Variants in RFX7 observed in about 807,000 individuals in gnomAD.
RFX7 encodes regulatory factor X7, also known as DNA-binding protein RFX7.
A neutral mutation model predicts 111.8 loss-of-function variants in RFX7; 26 were observed. That is an observed-to-expected ratio of 0.23 (90% CI 0.17 to 0.32). The LOEUF (loss-of-function observed/expected upper bound fraction) is 0.32, where lower values mean the gene tolerates loss of function less well. Among genes scored for constraint, RFX7 ranks in the 10% least tolerant of loss-of-function variants. The pLI is 1.00. For synonymous variants in RFX7, 624 were observed against 624.4 expected (o/e 1.00, Z 0.01); for missense variants, 1,573 against 1,772.9 (o/e 0.89, Z 2.02).
rs1224282586 is a variant in RFX7, at chr15:56,206,645, C to T, written c.162-27342G>A. ...GAATGGATAATGTGGTACATATACA[C>T]AATGGAGTATTATTCAGCCATAAAA... is the stretch of plus-strand genomic sequence containing the variant. On this transcript the variant is annotated intron_variant, in intron 2 of 9. Transcript: ENST00000559447. 3.3e-5 allele frequency among the ~76,000 whole-genome samples: 5 copies of T among 151,748 alleles called. No homozygotes were observed. The East Asian group carries it at 9.6e-4, about 29-fold the overall frequency.
At chr15:56,227,083 T>C (rs1456670870) in intron 2 of RFX7, among the ~76,000 whole-genome samples, 2 of 152,248 alleles carry the variant, frequency 1.3e-5, no homozygotes, top group Non-Finnish European at 2.9e-5. Context: ...AAAAATTAAG[T>C]GGTTTATACA....
rs948861834 is a variant in RFX7, at chr15:56,088,858, T to C, written c.*4487A>G. The C allele has an allele frequency of 6.6e-6, 1 of 152,164 alleles. No individual in the cohort carries two copies. The highest frequency in any genetic ancestry group is 6.6e-5 in the Admixed American group (1 of 15,266). The allele number at this position is 152,164 out of a possible 1,614,324, so 9.4% of individuals were successfully genotyped here. On this transcript the variant is annotated 3_prime_UTR_variant, in exon 10 of 10. Coordinates refer to ENST00000559447, the MANE Select transcript of RFX7 (RefSeq NM_022841.7). ...AAACTTAGTTCGGCAGATTTCAAAT[T>C]CTTATTTTTTCTTCTACATAGTGTA...
intron 2 of RFX7, among the ~76,000 whole-genome samples, chr15:56,209,945 A>G (rs1275208447): frequency 6.6e-6 from 1 of 152,080 alleles, no homozygotes; most frequent in Non-Finnish European, 1.5e-5. Flanking sequence ...CGATAAATAG[A>G]AAATAACAAA....
At chr15:56,106,291 A>G (rs2140536169) in intron 5 of RFX7, among the ~76,000 whole-genome samples, 1 of 152,344 alleles carries the variant, frequency 6.6e-6, no homozygotes, top group Non-Finnish European at 1.5e-5. Context: ...GAAGGATATA[A>G]CAACCTCATT....
intron 5 of RFX7, among the ~76,000 whole-genome samples, chr15:56,125,004 T>G (rs1399721777): frequency 6.6e-6 from 1 of 152,230 alleles, no homozygotes; most frequent in Non-Finnish European, 1.5e-5. Flanking sequence ...ATTTATGTCT[T>G]TGATCCATTT....
At chr15:56,100,346 A>C (rs1338830557) in intron 8 of RFX7, among the ~76,000 whole-genome samples, 6 of 152,360 alleles carry the variant, frequency 3.9e-5, no homozygotes, top group South Asian at 4.1e-4. Context: ...TACAGTTTAC[A>C]TGCAGACAGG....
chr15:56,227,003 C>A (rs1307202614), intron 2 of RFX7, among the ~76,000 whole-genome samples: 1 of 152,070 alleles, frequency 6.6e-6, no homozygotes, highest in Non-Finnish European at 1.5e-5. Flanking sequence ...TCTCAATCAA[C>A]CTGTTTTAAA....
At chr15:56,137,484 C>T (rs1449006116) in intron 5 of RFX7, among the ~76,000 whole-genome samples, 1 of 152,138 alleles carries the variant, frequency 6.6e-6, no homozygotes, top group African/African-American at 2.4e-5. Context: ...TTTTTTATTG[C>T]ATCTATTCGA....
chr15:56,153,018 C>T (rs1193093982), intron 3 of RFX7, among the ~76,000 whole-genome samples: 1 of 152,166 alleles, frequency 6.6e-6, no homozygotes, highest in East Asian at 1.9e-4. Flanking sequence ...ACAAAGAAGT[C>T]GAATCCCTGA....
chr15:56,139,705 T>C (rs1296864436), intron 5 of RFX7, among the ~76,000 whole-genome samples: 20 of 152,124 alleles, frequency 1.3e-4, no homozygotes, highest in African/African-American at 4.1e-4. Flanking sequence ...GTTTTTAGAG[T>C]TTCCAGTTTT....
At chr15:56,172,350 G>A (rs2042854443) in intron 3 of RFX7, among the ~76,000 whole-genome samples, 1 of 152,152 alleles carries the variant, frequency 6.6e-6, no homozygotes, top group Non-Finnish European at 1.5e-5. Context: ...CTAGAGGAAA[G>A]GTTGTGGGTT....
At chr15:56,144,948 A>C (rs16976776) in intron 3 of RFX7, among the ~76,000 whole-genome samples, 10,463 of 152,262 alleles carry the variant, frequency 0.069, 464 homozygotes, top group Admixed American at 0.11. Context: ...TCTAATTTTC[A>C]AATATTTACA....
chr15:56,185,405 G>T (rs1418320688), intron 2 of RFX7, among the ~76,000 whole-genome samples: 1 of 151,972 alleles, frequency 6.6e-6, no homozygotes. Flanking sequence ...TTTCCATATA[G>T]ATCTATATTT....
Position 56,137,452 on chromosome 15 carries a change from G to A in RFX7, c.401+5326C>T, listed in dbSNP as rs961225767. On this transcript the variant is annotated intron_variant, in intron 5 of 9. Coordinates refer to ENST00000559447, the MANE Select transcript of RFX7 (RefSeq NM_022841.7). The stretch of plus-strand genomic sequence containing the variant: ...TGTTAGTTTGCATTTCTGTGGGATT[G>A]GTGGTGATATCCCCTTTATCATTTT... 4.0e-4 allele frequency among the ~76,000 whole-genome samples: 61 copies of A among 152,084 alleles called. 1 individual carries two copies. The highest frequency in any genetic ancestry group is 2.1e-4 in the South Asian group (1 of 4,812).
At chr15:56,120,503 C>A (rs1042224807) in intron 5 of RFX7, among the ~76,000 whole-genome samples, 9 of 152,102 alleles carry the variant, frequency 5.9e-5, no homozygotes, top group South Asian at 2.1e-4. Context: ...TCTGATTGCT[C>A]TAGCTAGCAC....
intron 2 of RFX7, among the ~76,000 whole-genome samples, chr15:56,203,436 C>A (rs1417846607): frequency 1.3e-5 from 2 of 152,138 alleles, no homozygotes; most frequent in African/African-American, 4.8e-5. Flanking sequence ...GTTCCCCTAT[C>A]CTTATAATAC....
At chr15:56,129,247 T>A (rs2042182486) in intron 5 of RFX7, among the ~76,000 whole-genome samples, 12 of 152,088 alleles carry the variant, frequency 7.9e-5, no homozygotes, top group South Asian at 6.3e-4. Context: ...TGGTGGTGCA[T>A]GCCTGTAGTC....
chr15:56,109,241 T>C (rs1290769206), intron 5 of RFX7, among the ~76,000 whole-genome samples: 2 of 152,170 alleles, frequency 1.3e-5, no homozygotes, highest in African/African-American at 4.8e-5. Flanking sequence ...GGAGACGGGG[T>C]TTCGCTGTGT....
chr15:56,098,023 A>G (rs1264397004), intron 9 of RFX7, 58 bp downstream of exon 9: 99 of 1,516,948 alleles, frequency 6.5e-5, no homozygotes, highest in Non-Finnish European at 8.5e-5. Context: ...GCCACTTTTA[A>G]GTAAACAGTT....
Sources: allele counts gnomAD v4.1 joint callset (sites outside exome capture counted in the v4.1 genomes callset), GRCh38; gene constraint gnomAD v4.1.1; transcripts MANE v1.5; gene names NCBI Gene and HGNC (gene_info 2026-07-23, HGNC 2026-07-21).